Variants in KCNT2 observed in about 807,000 individuals in gnomAD.
KCNT2 encodes potassium channel subfamily T member 2.
KCNT2 carries 67 observed loss-of-function variants against 153.8 expected under a neutral mutation model. That is an observed-to-expected ratio of 0.44 (90% confidence interval 0.36 to 0.53). KCNT2 has a LOEUF of 0.53. Among genes scored for constraint, KCNT2 ranks in the 20% least tolerant of loss-of-function variants. KCNT2 has a pLI of 0.00. For missense variants in KCNT2, 975 were observed against 1,354.8 expected (o/e 0.72, Z 4.40); for synonymous variants, 500 against 458.8 (o/e 1.09, Z -1.15).
chr1:196,390,140 A>T (rs1419597459), intron 13 of KCNT2, among the ~76,000 whole-genome samples: 1 of 151,514 alleles, frequency 6.6e-6, no homozygotes, highest in African/African-American at 2.4e-5. Context: ...TTACTTGTGT[A>T]CTTGCAAACT....
chr1:196,598,837 T>C (rs1265897944), intron 1 of KCNT2, among the ~76,000 whole-genome samples: 1 of 152,224 alleles, frequency 6.6e-6, no homozygotes, highest in Non-Finnish European at 1.5e-5. Flanking sequence ...ACATGTAACA[T>C]GCTTAGAAAA....
At chr1:196,476,969 A>C (rs1413718964) in intron 5 of KCNT2, among the ~76,000 whole-genome samples, 1 of 152,090 alleles carries the variant, frequency 6.6e-6, no homozygotes, top group Non-Finnish European at 1.5e-5. Flanking sequence ...CCTTTTCTCA[A>C]GTTTCTTATA....
chr1:196,377,403 AT>A (rs1669063994), intron 13 of KCNT2, among the ~76,000 whole-genome samples: 2 of 152,118 alleles, frequency 1.3e-5, no homozygotes, highest in Admixed American at 6.6e-5. Flanking sequence ...CTAATTAAAA[AT>A]AGAAGAGACA....
chr1:196,467,871 G>T, intron 6 of KCNT2, 85 bp from the exon 7 acceptor site: 1 of 659,106 alleles, frequency 1.5e-6, no homozygotes, highest in Non-Finnish European at 2.5e-6. Flanking sequence ...TGGAAAAAAA[G>T]CTGTTAAAGA....
intron 22 of KCNT2, among the ~76,000 whole-genome samples, chr1:196,291,137 A>G (rs1412722630): frequency 6.6e-6 from 1 of 152,104 alleles, no homozygotes; most frequent in Non-Finnish European, 1.5e-5. Context: ...ACAATTTCAT[A>G]TAAGAGATTT....
intron 12 of KCNT2, among the ~76,000 whole-genome samples, chr1:196,401,012 G>C (rs74479908): frequency 6.6e-6 from 1 of 151,732 alleles, no homozygotes; most frequent in African/African-American, 2.4e-5. Context: ...GGAACAACCA[G>C]AGCCACCAGA....
At chr1:196,405,195 T>C (rs1051930439) in intron 12 of KCNT2, among the ~76,000 whole-genome samples, 3 of 151,542 alleles carry the variant, frequency 2.0e-5, no homozygotes, top group Admixed American at 6.6e-5. Flanking sequence ...GAAGATTGAT[T>C]GATTTTTTAA....
chr1:196,468,404 T>C (rs536811059), intron 6 of KCNT2, among the ~76,000 whole-genome samples: 5 of 152,226 alleles, frequency 3.3e-5, no homozygotes, highest in African/African-American at 1.2e-4. Context: ...ACAGACATTA[T>C]TATAACTTTA....
intron 22 of KCNT2, among the ~76,000 whole-genome samples, chr1:196,294,738 A>T (rs1462821692): frequency 6.6e-6 from 1 of 152,102 alleles, no homozygotes; most frequent in East Asian, 1.9e-4. Flanking sequence ...ATAATAGCCA[A>T]GATATGGAAG....
chr1:196,446,161 C>T (rs1012534840), intron 8 of KCNT2, among the ~76,000 whole-genome samples: 1 of 151,062 alleles, frequency 6.6e-6, no homozygotes, highest in Non-Finnish European at 1.5e-5. Context: ...AAGATGCTAC[C>T]ATTCAATAAA....
chr1:196,462,797 A>G (rs1677265700), intron 8 of KCNT2, among the ~76,000 whole-genome samples: 1 of 151,712 alleles, frequency 6.6e-6, no homozygotes, highest in Non-Finnish European at 1.5e-5. Flanking sequence ...GTACATGTGG[A>G]CTTTTATCAC....
At chr1:196,335,903 C>G (rs1343879471) in intron 16 of KCNT2, among the ~76,000 whole-genome samples, 1 of 152,074 alleles carries the variant, frequency 6.6e-6, no homozygotes, top group African/African-American at 2.4e-5. Flanking sequence ...TCTCTCATTC[C>G]CTTGATGCTC....
intron 1 of KCNT2, among the ~76,000 whole-genome samples, chr1:196,587,829 T>C (rs1662873517): frequency 6.6e-6 from 1 of 151,998 alleles, no homozygotes; most frequent in Non-Finnish European, 1.5e-5. Flanking sequence ...TGATGAAAAG[T>C]AAAATAAAAG....
intron 1 of KCNT2, among the ~76,000 whole-genome samples, chr1:196,523,066 T>C (rs1420889963): frequency 1.3e-5 from 2 of 152,210 alleles, no homozygotes; most frequent in African/African-American, 4.8e-5. Context: ...CCACACTACC[T>C]TTTTGAGCTG....
intron 25 of KCNT2, among the ~76,000 whole-genome samples, chr1:196,278,177 C>T (rs985215377): frequency 6.6e-6 from 1 of 152,040 alleles, no homozygotes; most frequent in Admixed American, 6.6e-5. Flanking sequence ...CTATTTTTTA[C>T]CTTATTTACC....
intron 26 of KCNT2, among the ~76,000 whole-genome samples, chr1:196,249,355 A>G (rs554613204): frequency 6.6e-6 from 1 of 152,324 alleles, no homozygotes; most frequent in African/African-American, 2.4e-5. Context: ...TGGAAAAGAA[A>G]GAATCAAATT....
In KCNT2 at chr1:196,280,903, A is replaced by G; in HGVS notation, c.2867T>C (p.Ile956Thr). Residue 956 changes from isoleucine to threonine, a missense_variant, in exon 25 of 28, where the codon ATT (isoleucine) becomes ACT (threonine). Coordinates refer to ENST00000294725, the MANE Select transcript of KCNT2 (RefSeq NM_198503.5). ...KLCSSTGDVP[I>T]GIYRTESQKL... ...CTGAGACTCAGTCCTGTAGATTCCA[A>G]TGGGAACATCTCCAGTAGAAGAACA... 1 of 1,611,014 alleles carries G rather than the reference A, an allele frequency of 6.2e-7. No homozygotes were observed. The highest frequency in any genetic ancestry group is 8.5e-7 in the Non-Finnish European group (1 of 1,177,288).
At chr1:196,450,802 CGTCT>C (rs150995584) in intron 8 of KCNT2, among the ~76,000 whole-genome samples, 3,205 of 151,944 alleles carry the variant, frequency 0.021, 106 homozygotes, top group African/African-American at 0.072. Context: ...TTTATTAAAA[CGTCT>C]ATCTGAGTAC....
At chr1:196,305,143 C>T in intron 22 of KCNT2, 91 bp downstream of exon 22, 2 of 746,878 alleles carry the variant, frequency 2.7e-6, no homozygotes, top group Non-Finnish European at 4.6e-6. Flanking sequence ...TTTAGTTTTA[C>T]TATCTCATGG....
Sources: allele counts gnomAD v4.1 joint callset (sites outside exome capture counted in the v4.1 genomes callset), GRCh38; gene constraint gnomAD v4.1.1; transcripts MANE v1.5; gene names NCBI Gene and HGNC (gene_info 2026-07-23, HGNC 2026-07-21).